RBPMS: variants seen among roughly 807,000 people sequenced by gnomAD.
RBPMS encodes RNA-binding protein with multiple splicing.
In RBPMS, 7 loss-of-function variants were observed where a neutral mutation model predicts 26.8. The ratio of observed to expected loss-of-function variants is 0.26; its 90% confidence interval spans 0.15 to 0.49. The LOEUF (loss-of-function observed/expected upper bound fraction) is 0.49. Among genes scored for constraint, RBPMS ranks in the 20% least tolerant of loss-of-function variants. The pLI, the probability that RBPMS is intolerant of heterozygous loss-of-function variation, is 0.98. For synonymous variants in RBPMS, 96 were observed against 93.3 expected (o/e 1.03, Z -0.17); for missense variants, 186 against 250.0 (o/e 0.74, Z 1.73).
At chr8:30,511,472 A>G (rs1325325614) in intron 5 of RBPMS, among the ~76,000 whole-genome samples, 1 of 8,002 alleles carries the variant, frequency 1.2e-4, no homozygotes, top group Non-Finnish European at 2.2e-4. Flanking sequence ...ACAAAAAAAG[A>G]AAAAAAAAAA....
intron 5 of RBPMS, among the ~76,000 whole-genome samples, chr8:30,511,486 A>AAATAT (rs1821657057): frequency 8.5e-5 from 2 of 23,574 alleles, no homozygotes; most frequent in Admixed American, 4.4e-4. Flanking sequence ...AAAAAAAAAA[A>AAATAT]ATATATATAT....
At chr8:30,558,701 G>A (rs571663762) in intron 6 of RBPMS, 186 bp from the exon 7 acceptor site, 19 of 661,450 alleles carry the variant, frequency 2.9e-5, no homozygotes, top group Non-Finnish European at 5.0e-5. Flanking sequence ...TCATAATGGT[G>A]TGTGGAACGC....
At chr8:30,548,735 T>C (rs914868874) in intron 6 of RBPMS, among the ~76,000 whole-genome samples, 1 of 152,120 alleles carries the variant, frequency 6.6e-6, no homozygotes, top group African/African-American at 2.4e-5. Context: ...GGCCTGGGAG[T>C]AGTGGGTGGA....
Position 30,445,694 on chromosome 8 carries a change from G to A in RBPMS, c.67-29085G>A, listed in dbSNP as rs1027044449. On this transcript the variant is annotated intron_variant, in intron 1 of 8. Transcript: ENST00000397323. ...TATATATGTATTTTCCTGAAACAAG[G>A]TGTTGCACTGTCGCCTAGGCTAGGG... Among the ~76,000 whole-genome samples, 7 of 108,566 alleles carry A rather than the reference G, an allele frequency of 6.4e-5. No homozygotes were observed. In the South Asian group the frequency reaches 1.1e-3, roughly 17 times the overall value. 71.2% of individuals were successfully genotyped at this position (108,566 alleles called of 152,430 possible). A position where few individuals can be genotyped will look rare whatever the true frequency, so the allele number is the denominator to read the frequency against.
chr8:30,479,450 G>C (rs1214174079), intron 4 of RBPMS, 73 bp downstream of exon 4: 1 of 1,097,494 alleles, frequency 9.1e-7, no homozygotes, highest in Non-Finnish European at 1.4e-6. Flanking sequence ...TCTTTGGACG[G>C]GAAATCAAGT....
chr8:30,486,928 T>C (rs4147357), intron 4 of RBPMS, among the ~76,000 whole-genome samples: 71,697 of 152,038 alleles, frequency 0.47, 16,996 homozygotes, highest in Middle Eastern at 0.58. Flanking sequence ...ATTTTAAAAC[T>C]CATGCCATTT....
At chr8:30,511,475 AAAAAAAAAAAAATATATATATATAT>A (rs1420507552) in intron 5 of RBPMS, among the ~76,000 whole-genome samples, 1 of 6,056 alleles carries the variant, frequency 1.7e-4, no homozygotes, top group African/African-American at 5.7e-4. Flanking sequence ...AAAAAAGAAA[AAAAAAAAAAAAATATATATATATAT>A]ATATATATAT....
intron 1 of RBPMS, among the ~76,000 whole-genome samples, chr8:30,410,745 T>G (rs1357576337): frequency 2.6e-5 from 4 of 150,986 alleles, no homozygotes; most frequent in Admixed American, 6.6e-5. Context: ...TTTGTTTTGT[T>G]TTTTTTTAGA....
At chr8:30,505,066 T>C (rs1412021542) in intron 5 of RBPMS, among the ~76,000 whole-genome samples, 2 of 152,226 alleles carry the variant, frequency 1.3e-5, no homozygotes, top group Non-Finnish European at 2.9e-5. Context: ...TTAATAAGCT[T>C]ATTTCATTAT....
At chr8:30,466,597 C>CTTT (rs1161388621) in intron 1 of RBPMS, among the ~76,000 whole-genome samples, 2 of 138,820 alleles carry the variant, frequency 1.4e-5, no homozygotes, top group African/African-American at 2.6e-5. Context: ...TCTTTTTTTT[C>CTTT]TTTTTTTTTT....
intron 1 of RBPMS, among the ~76,000 whole-genome samples, chr8:30,410,777 C>G (rs1287585930): frequency 1.1e-4 from 16 of 148,292 alleles, no homozygotes; most frequent in African/African-American, 4.0e-4. Flanking sequence ...ACTGTGTCAG[C>G]CATGCTGAAA....
At chr8:30,497,569 C>T (rs1475189549) in intron 4 of RBPMS, among the ~76,000 whole-genome samples, 1 of 151,946 alleles carries the variant, frequency 6.6e-6, no homozygotes, top group Non-Finnish European at 1.5e-5. Context: ...CGGTAGAAGA[C>T]TTTTATTCTT....
chr8:30,461,344 C>A (rs1815870617), intron 1 of RBPMS, among the ~76,000 whole-genome samples: 1 of 152,098 alleles, frequency 6.6e-6, no homozygotes, highest in African/African-American at 2.4e-5. Context: ...CTGAAATTTG[C>A]TTAACTAAAC....
intron 1 of RBPMS, among the ~76,000 whole-genome samples, chr8:30,390,128 T>C (rs1248291339): frequency 6.6e-6 from 1 of 152,252 alleles, no homozygotes; most frequent in Non-Finnish European, 1.5e-5. Context: ...AGATCATTGC[T>C]ATTTACTTTC....
At chr8:30,556,311 T>A (rs1470784838) in intron 6 of RBPMS, 4 of 985,456 alleles carry the variant, frequency 4.1e-6, no homozygotes, top group Admixed American at 6.2e-5. Context: ...GGAGTGCGCC[T>A]CGACCAGGCT....
At chr8:30,425,579 T>C (rs547403699) in intron 1 of RBPMS, among the ~76,000 whole-genome samples, 2 of 152,132 alleles carry the variant, frequency 1.3e-5, no homozygotes, top group East Asian at 3.9e-4. Flanking sequence ...TTTGTATTTT[T>C]AGTAGAGACG....
intron 1 of RBPMS, among the ~76,000 whole-genome samples, chr8:30,463,723 A>G (rs558892605): frequency 1.5e-4 from 23 of 152,354 alleles, no homozygotes; most frequent in Non-Finnish European, 2.8e-4. Flanking sequence ...AAACTTAGGA[A>G]GGGAAAGGTT....
intron 5 of RBPMS, among the ~76,000 whole-genome samples, chr8:30,526,290 T>C (rs1390743136): frequency 1.3e-5 from 2 of 152,224 alleles, no homozygotes; most frequent in Non-Finnish European, 2.9e-5. Flanking sequence ...TGGCCATAAA[T>C]TTAATCCCTT....
intron 7 of RBPMS, chr8:30,562,204 G>A (rs1188474571): frequency 1.9e-5 from 4 of 213,026 alleles, no homozygotes; most frequent in Admixed American, 6.5e-5. Flanking sequence ...GGTGGTGGGC[G>A]CCTGTAATCC....
Sources: gnomAD v4.1 joint callset for allele counts (sites outside exome capture counted in the v4.1 genomes callset) on GRCh38, gnomAD v4.1.1 for gene constraint, MANE v1.5 for transcripts, NCBI Gene and HGNC (gene_info 2026-07-23, HGNC 2026-07-21) for gene names.